The following NRG1 variants were observed in gnomAD, a reference collection of about 807,000 sequenced individuals.
The protein encoded by NRG1 is pro-neuregulin-1, membrane-bound isoform.
NRG1 carries 18 observed loss-of-function variants against 63.8 expected under a neutral mutation model. The ratio of observed to expected loss-of-function variants is 0.28; its 90% CI spans 0.19 to 0.42. The LOEUF (loss-of-function observed/expected upper bound fraction) is 0.42. Ranked by LOEUF, NRG1 falls within the 10% of genes least tolerant of loss-of-function variation. The pLI, the probability that NRG1 is intolerant of heterozygous loss-of-function variation, is 1.00. For missense variants in NRG1, 762 were observed against 814.7 expected, an observed-to-expected ratio of 0.94 and a Z score of 0.79; for synonymous variants, 302 against 301.3, an observed-to-expected ratio of 1.00 and a Z score of -0.02.
downstream of NRG1, among the ~76,000 whole-genome samples, chr8:32,770,035 G>A (rs1056568473): frequency 1.3e-5 from 2 of 152,136 alleles, no homozygotes; most frequent in Non-Finnish European, 2.9e-5. Flanking sequence ...TGGGATAATA[G>A]TTTCACCCAG....
chr8:32,011,973 C>G (rs774844479), intron 1 of NRG1, among the ~76,000 whole-genome samples: 12 of 152,038 alleles, frequency 7.9e-5, no homozygotes, highest in Non-Finnish European at 1.5e-4. Flanking sequence ...TTACATATAT[C>G]AAGTGTGAGA....
chr8:31,980,400 C>T (rs1808879659), intron 1 of NRG1, among the ~76,000 whole-genome samples: 1 of 151,964 alleles, frequency 6.6e-6, no homozygotes, highest in Non-Finnish European at 1.5e-5. Flanking sequence ...TCTAAGCTTC[C>T]TTGAATGTTT....
intron 1 of NRG1, among the ~76,000 whole-genome samples, chr8:32,088,243 T>C (rs1275100896): frequency 6.6e-6 from 1 of 152,186 alleles, no homozygotes; most frequent in African/African-American, 2.4e-5. Flanking sequence ...TATATCTTCC[T>C]CACTTCCTCA....
At chr8:32,417,736 A>AG (rs545269552) in intron 1 of NRG1, among the ~76,000 whole-genome samples, 7 of 106,012 alleles carry the variant, frequency 6.6e-5, no homozygotes, top group South Asian at 3.5e-4. Flanking sequence ...GTGGAGGGGG[A>AG]GGGGGGGTGT....
intron 1 of NRG1, among the ~76,000 whole-genome samples, chr8:32,049,117 G>A (rs1821569466): frequency 6.6e-6 from 1 of 151,982 alleles, no homozygotes; most frequent in Non-Finnish European, 1.5e-5. Flanking sequence ...ATTTAACACT[G>A]GATCACTTAA....
At chr8:32,379,486 C>T (rs985576903) in intron 1 of NRG1, among the ~76,000 whole-genome samples, 15 of 152,084 alleles carry the variant, frequency 9.9e-5, no homozygotes, top group South Asian at 2.1e-4. Context: ...ACTAGTCTAT[C>T]AAAATATATA....
chr8:31,858,038 G>A (rs927013957), intron 1 of NRG1, among the ~76,000 whole-genome samples: 16 of 152,158 alleles, frequency 1.1e-4, no homozygotes, highest in South Asian at 2.1e-4. Context: ...GGTGGCTCAC[G>A]CCTGTAATCC....
chr8:31,987,775 G>T (rs1224627481), intron 1 of NRG1, among the ~76,000 whole-genome samples: 1 of 152,042 alleles, frequency 6.6e-6, no homozygotes, highest in Non-Finnish European at 1.5e-5. Context: ...ATAGATGTTA[G>T]ATTATTCCAA....
At position 32,763,740 on chromosome 8, in the gene NRG1, T is replaced by G; in HGVS notation, c.1260-8T>G. The stretch of plus-strand genomic sequence containing the variant: ...CACACTTATGCAGGGTATTCTGTGC[T>G]CACACAGGTATGTGTCAGCCATGAC... On this transcript the variant is annotated splice_region_variant and splice_polypyrimidine_tract_variant and intron_variant, in intron 11 of 11. Coordinates refer to ENST00000356819, the Ensembl canonical transcript of NRG1. The G allele has an allele frequency of 6.5e-7, 1 of 1,532,508 alleles. No homozygotes were observed. Among genetic ancestry groups the G allele is most frequent in the Non-Finnish European group, 8.8e-7 (1 of 1,140,984 alleles). The allele number at this position is 1,532,508 out of a possible 1,614,324, so 94.9% of individuals were successfully genotyped here. A position where few individuals can be genotyped will look rare whatever the true frequency, so the allele number is the denominator to read the frequency against.
At chr8:32,713,008 T>C (rs1021836020) in intron 5 of NRG1, among the ~76,000 whole-genome samples, 3 of 152,226 alleles carry the variant, frequency 2.0e-5, no homozygotes, top group East Asian at 1.9e-4. Flanking sequence ...CCTGAAGCAC[T>C]GATCCCACAA....
intron 1 of NRG1, among the ~76,000 whole-genome samples, chr8:31,981,190 A>G (rs968649831): frequency 6.6e-6 from 1 of 152,074 alleles, no homozygotes; most frequent in African/African-American, 2.4e-5. Context: ...TTTGTTCCAG[A>G]CTAGTTGTGT....
At chr8:31,775,381 G>A (rs967062460) in intron 1 of NRG1, among the ~76,000 whole-genome samples, 3 of 152,178 alleles carry the variant, frequency 2.0e-5, no homozygotes, top group Admixed American at 2.0e-4. Flanking sequence ...ATGAGTGAGA[G>A]ATAAACAATG....
chr8:31,945,234 G>A (rs951993620), intron 1 of NRG1, among the ~76,000 whole-genome samples: 19 of 152,174 alleles, frequency 1.2e-4, no homozygotes, highest in Admixed American at 9.8e-4. Flanking sequence ...TACTATGCAG[G>A]CTGAATTCTC....
At chr8:31,683,434 C>T (rs998315660) in intron 1 of NRG1, among the ~76,000 whole-genome samples, 2 of 152,118 alleles carry the variant, frequency 1.3e-5, no homozygotes, top group Non-Finnish European at 2.9e-5. Flanking sequence ...TATCATTAAG[C>T]GAAAGAAGCC....
At chr8:32,699,319 G>T (rs1814242066) in intron 5 of NRG1, among the ~76,000 whole-genome samples, 1 of 152,212 alleles carries the variant, frequency 6.6e-6, no homozygotes, top group South Asian at 2.1e-4. Flanking sequence ...AGTTGACGGT[G>T]ATTGAGGGGC....
intron 1 of NRG1, among the ~76,000 whole-genome samples, chr8:31,798,203 A>G (rs551074521): frequency 6.6e-6 from 1 of 152,238 alleles, no homozygotes; most frequent in South Asian, 2.1e-4. Context: ...GATCTGGGGG[A>G]GAAGGTTTTC....
At chr8:31,808,445 A>G (rs1391640704) in intron 1 of NRG1, among the ~76,000 whole-genome samples, 1 of 152,068 alleles carries the variant, frequency 6.6e-6, no homozygotes, top group Non-Finnish European at 1.5e-5. Flanking sequence ...GTTGTAATTC[A>G]TGATATTTGT....
intron 1 of NRG1, among the ~76,000 whole-genome samples, chr8:32,023,637 A>G (rs1006843145): frequency 2.6e-5 from 4 of 152,106 alleles, no homozygotes; most frequent in African/African-American, 9.7e-5. Context: ...AAGGTTAAGG[A>G]GAGGGAAGTG....
intron 1 of NRG1, among the ~76,000 whole-genome samples, chr8:31,794,664 T>C (rs34609824): frequency 0.05 from 7,544 of 151,910 alleles, 254 homozygotes; most frequent in Admixed American, 0.11. Context: ...ATTGTTACTT[T>C]ATAATAATTA....
Sources: gnomAD v4.1 joint callset for allele counts (sites outside exome capture counted in the v4.1 genomes callset) on GRCh38, gnomAD v4.1.1 for gene constraint, MANE v1.5 for transcripts, NCBI Gene and HGNC (gene_info 2026-07-23, HGNC 2026-07-21) for gene names.